The following SCHIP1 variants were observed in gnomAD, a reference collection of about 807,000 sequenced individuals.
SCHIP1 encodes schwannomin-interacting protein 1.
In SCHIP1, 8 loss-of-function variants were observed where a neutral mutation model predicts 29.7. That is an observed-to-expected ratio of 0.27 (90% CI 0.16 to 0.49). The LOEUF is 0.49. SCHIP1 is among the 20% of genes least tolerant of loss of function. SCHIP1 has a pLI of 0.99. For missense variants in SCHIP1, 193 were observed against 294.6 expected, an observed-to-expected ratio of 0.66 and a Z score of 2.52; for synonymous variants, 76 against 94.9, an observed-to-expected ratio of 0.80 and a Z score of 1.16.
chr3:159,604,801 C>G, the SCHIP1 span, among the ~76,000 whole-genome samples: 1 of 152,118 alleles, frequency 6.6e-6, no homozygotes, highest in Non-Finnish European at 1.5e-5. Context: ...ATGTATCTGA[C>G]AGGTAATCAG....
the SCHIP1 span, among the ~76,000 whole-genome samples, chr3:159,561,539 G>A: frequency 6.6e-6 from 1 of 151,990 alleles, no homozygotes; most frequent in East Asian, 1.9e-4. Flanking sequence ...TATGCTCCTA[G>A]AAAAATTGCA....
At chr3:159,470,435 C>G in the SCHIP1 span, among the ~76,000 whole-genome samples, 36 of 152,108 alleles carry the variant, frequency 2.4e-4, no homozygotes, top group African/African-American at 8.7e-4. Context: ...ACACAAAAAT[C>G]TGCTATTTCT....
chr3:159,450,753 A>C, the SCHIP1 span, among the ~76,000 whole-genome samples: 1 of 152,126 alleles, frequency 6.6e-6, no homozygotes, highest in South Asian at 2.1e-4. Context: ...TTACATGAAC[A>C]AAATTATGAC....
the SCHIP1 span, among the ~76,000 whole-genome samples, chr3:159,366,000 C>T: frequency 6.6e-6 from 1 of 151,970 alleles, no homozygotes; most frequent in East Asian, 2.0e-4. Flanking sequence ...AAGAAACACC[C>T]AAGACAGGGT....
At chr3:159,669,177 G>A in the SCHIP1 span, among the ~76,000 whole-genome samples, 741 of 152,300 alleles carry the variant, frequency 4.9e-3, no homozygotes, top group Admixed American at 6.9e-3. Context: ...ACTTGTGGTG[G>A]TGTTGTAAAG....
At chr3:159,364,703 A>G in the SCHIP1 span, among the ~76,000 whole-genome samples, 1 of 152,224 alleles carries the variant, frequency 6.6e-6, no homozygotes, top group Non-Finnish European at 1.5e-5. Flanking sequence ...AACAGCTCCC[A>G]TTGCAAGGAA....
At chr3:159,893,192 T>G (rs1277900989) in intron 6 of SCHIP1, 1 of 152,240 alleles carries the variant, frequency 6.6e-6, no homozygotes, top group Non-Finnish European at 1.5e-5. Flanking sequence ...GCAAAATAAA[T>G]GCTGGAAAAA....
chr3:159,341,300 T>C, the SCHIP1 span, among the ~76,000 whole-genome samples: 2 of 151,920 alleles, frequency 1.3e-5, no homozygotes, highest in African/African-American at 4.8e-5. Flanking sequence ...AAGCTTAGAG[T>C]GCCTCTCTCA....
At chr3:159,836,494 A>G (rs1482128948), upstream of SCHIP1, among the ~76,000 whole-genome samples, 1 of 152,210 alleles carries the variant, frequency 6.6e-6, no homozygotes, top group Non-Finnish European at 1.5e-5. Context: ...AGACCATAGG[A>G]GCATTGTTTT....
chr3:159,600,917 G>A, the SCHIP1 span, among the ~76,000 whole-genome samples: 1 of 152,138 alleles, frequency 6.6e-6, no homozygotes, highest in Non-Finnish European at 1.5e-5. Flanking sequence ...TTCTCTGCAT[G>A]GTTTATTTAA....
chr3:159,324,793 T>C, the SCHIP1 span, among the ~76,000 whole-genome samples: 2 of 152,150 alleles, frequency 1.3e-5, no homozygotes, highest in African/African-American at 4.8e-5. Context: ...AATCTGGAAT[T>C]CTAATCCATT....
chr3:159,811,004 C>T, the SCHIP1 span, among the ~76,000 whole-genome samples: 14 of 152,278 alleles, frequency 9.2e-5, no homozygotes, highest in South Asian at 6.2e-4. Flanking sequence ...CTACTGGGCA[C>T]GAAGTATAAT....
At chr3:159,626,154 ATATATATC>A in the SCHIP1 span, among the ~76,000 whole-genome samples, 3 of 120,892 alleles carry the variant, frequency 2.5e-5, no homozygotes, top group African/African-American at 1.6e-4. Context: ...CTAGATATAT[ATATATATC>A]TAGATATATC....
At chr3:159,869,780 A>G (rs545236634) in intron 2 of SCHIP1, among the ~76,000 whole-genome samples, 129 of 152,066 alleles carry the variant, frequency 8.5e-4, no homozygotes, top group African/African-American at 3.1e-3. Context: ...CATTGATTCT[A>G]TAGACCAATT....
the SCHIP1 span, among the ~76,000 whole-genome samples, chr3:159,789,290 C>G: frequency 6.6e-6 from 1 of 152,136 alleles, no homozygotes; most frequent in Non-Finnish European, 1.5e-5. Context: ...TTCAGGGGAC[C>G]TCTCTTTTCT....
chr3:159,695,986 ACCT>A, the SCHIP1 span, among the ~76,000 whole-genome samples: 1 of 151,732 alleles, frequency 6.6e-6, no homozygotes, highest in African/African-American at 2.4e-5. Flanking sequence ...ACCCCCCACC[ACCT>A]CATTGAGTAG....
the SCHIP1 span, among the ~76,000 whole-genome samples, chr3:159,298,724 G>A: frequency 0.014 from 2,174 of 152,288 alleles, 45 homozygotes; most frequent in African/African-American, 0.05. Context: ...GAACAATGTA[G>A]AAGTGTTTGT....
the SCHIP1 span, among the ~76,000 whole-genome samples, chr3:159,748,695 G>A: frequency 2.6e-5 from 4 of 152,294 alleles, no homozygotes; most frequent in East Asian, 1.9e-4. Flanking sequence ...GGAATTCCTA[G>A]GTAATAGACT....
chr3:159,591,135 G>A, the SCHIP1 span, among the ~76,000 whole-genome samples: 25 of 152,202 alleles, frequency 1.6e-4, no homozygotes, highest in Non-Finnish European at 3.4e-4. Context: ...CTGAACTTTC[G>A]GATTCCTAGA....
Sources: gnomAD v4.1 joint callset for allele counts (sites outside exome capture counted in the v4.1 genomes callset) on GRCh38, gnomAD v4.1.1 for gene constraint, MANE v1.5 for transcripts, NCBI Gene and HGNC (gene_info 2026-07-23, HGNC 2026-07-21) for gene names.